The following GRHL2 variants were observed in gnomAD, a reference collection of about 807,000 sequenced individuals.
GRHL2 encodes grainyhead-like protein 2 homolog.
A neutral mutation model predicts 83.8 loss-of-function variants in GRHL2; 21 were observed. The ratio of observed to expected loss-of-function variants is 0.25; its 90% CI spans 0.18 to 0.36. The LOEUF (loss-of-function observed/expected upper bound fraction) is 0.36, where lower values mean the gene tolerates loss of function less well. GRHL2 is among the 10% of genes least tolerant of loss of function. The pLI is 1.00. For synonymous variants in GRHL2, 280 were observed against 278.9 expected, an observed-to-expected ratio of 1.00 and a Z score of -0.04; for missense variants, 623 against 781.8, an observed-to-expected ratio of 0.80 and a Z score of 2.42.
At chr8:101,631,406 G>T (rs1813183663) in intron 9 of GRHL2, among the ~76,000 whole-genome samples, 1 of 152,206 alleles carries the variant, frequency 6.6e-6, no homozygotes, top group Non-Finnish European at 1.5e-5. Flanking sequence ...CAAAAAAGGA[G>T]AGAAAATCTG....
chr8:101,642,847 G>T (rs995686691), intron 12 of GRHL2, among the ~76,000 whole-genome samples: 9 of 152,162 alleles, frequency 5.9e-5, no homozygotes, highest in African/African-American at 1.9e-4. Flanking sequence ...GCATTGCCCT[G>T]CATTTGACAC....
chr8:101,580,602 A>C (rs1476325001), intron 7 of GRHL2, among the ~76,000 whole-genome samples: 1 of 152,156 alleles, frequency 6.6e-6, no homozygotes, highest in Non-Finnish European at 1.5e-5. Context: ...AAGAGGGAAG[A>C]ATTTTACGCA....
At chr8:101,680,086 A>G in the GRHL2 span, among the ~76,000 whole-genome samples, 2 of 119,140 alleles carry the variant, frequency 1.7e-5, no homozygotes, top group African/African-American at 7.1e-5. Flanking sequence ...TATTAACCTT[A>G]AATGTAAATG....
Position 101,663,106 on chromosome 8 carries a change from G to A in GRHL2, c.1699-1348G>A, listed in dbSNP as rs528225314. 2.0e-4 allele frequency among the ~76,000 whole-genome samples: 31 copies of A among 152,192 alleles called. No individual in the cohort carries two copies. The East Asian group carries it at 5.4e-3, about 27-fold the overall frequency. ...AGTGATGCTTTGAAAATCTTTGTGT[G>A]CATCTGAAGGTATTTCTGTAGACCT... is the stretch of plus-strand genomic sequence containing the variant. On this transcript the variant is annotated intron_variant, in intron 14 of 15. Transcript: ENST00000646743.
the GRHL2 span, among the ~76,000 whole-genome samples, chr8:101,679,867 G>A: frequency 1.5e-5 from 2 of 135,128 alleles, no homozygotes; most frequent in Non-Finnish European, 3.1e-5. Context: ...TTACAGACAA[G>A]CAAATGCTGA....
intron 14 of GRHL2, 134 bp from the exon 15 acceptor site, chr8:101,664,320 G>C: frequency 1.5e-6 from 1 of 673,920 alleles, no homozygotes; most frequent in Non-Finnish European, 2.7e-6. Context: ...TGAGTGTTTT[G>C]AGAGTTCGAC....
downstream of GRHL2, among the ~76,000 whole-genome samples, chr8:101,673,485 T>A (rs1271481085): frequency 6.8e-6 from 1 of 147,210 alleles, no homozygotes; most frequent in Admixed American, 6.8e-5. Flanking sequence ...AGGGATCAAT[T>A]CAACAAGAAG....
intron 8 of GRHL2, among the ~76,000 whole-genome samples, chr8:101,617,054 A>G (rs1228115241): frequency 1.3e-5 from 2 of 152,196 alleles, no homozygotes; most frequent in Non-Finnish European, 2.9e-5. Flanking sequence ...TTTTGGTAAA[A>G]GCAGCTAAAA....
intron 5 of GRHL2, among the ~76,000 whole-genome samples, chr8:101,571,116 C>T (rs1180757738): frequency 2.0e-5 from 3 of 151,982 alleles, no homozygotes; most frequent in Non-Finnish European, 4.4e-5. Context: ...AATTGAAAAA[C>T]ATTTGCTAAG....
intron 1 of GRHL2, among the ~76,000 whole-genome samples, chr8:101,526,332 T>C (rs1810801594): frequency 1.3e-5 from 2 of 152,204 alleles, no homozygotes. Context: ...GAACTTATAT[T>C]GTGTGTTATT....
chr8:101,643,583 T>A (rs887090329), intron 12 of GRHL2, among the ~76,000 whole-genome samples: 15 of 152,132 alleles, frequency 9.9e-5, no homozygotes, highest in Non-Finnish European at 1.3e-4. Context: ...TCTGAGTGTG[T>A]AAGGAACTTC....
chr8:101,619,937 T>C (rs1806316707), intron 9 of GRHL2, among the ~76,000 whole-genome samples: 1 of 151,768 alleles, frequency 6.6e-6, no homozygotes, highest in South Asian at 2.1e-4. Context: ...AATGACTGAC[T>C]GTTTCTTAGT....
Position 101,519,185 on chromosome 8 carries a change from AT to A in GRHL2, c.21-24043del, listed in dbSNP as rs573866039. ...CAAAGTTATCACTTTTTCTTCATTG[AT>A]TTTTTTTTTTTTAATTTTAAGAGAT... On this transcript the variant is annotated intron_variant, in intron 1 of 15. Transcript: ENST00000646743. 2.8e-3 allele frequency among the ~76,000 whole-genome samples: 399 copies of A among 142,604 alleles called. 1 individual carries two copies. Among genetic ancestry groups the A allele is most frequent in the South Asian group, 4.3e-3 (19 of 4,464 alleles). The allele number at this position is 142,604 out of a possible 152,430, so 93.6% of individuals were successfully genotyped here. A position where few individuals can be genotyped will look rare whatever the true frequency, so the allele number is the denominator to read the frequency against.
At chr8:101,613,634 C>T (rs1489047279) in intron 8 of GRHL2, among the ~76,000 whole-genome samples, 2 of 151,010 alleles carry the variant, frequency 1.3e-5, no homozygotes, top group Middle Eastern at 3.2e-3. Flanking sequence ...ACAATCCTAT[C>T]AAAGTGGAAG....
At chr8:101,664,314 T>C (rs1813995177) in intron 14 of GRHL2, 140 bp from the exon 15 acceptor site, 2 of 669,138 alleles carry the variant, frequency 3.0e-6, no homozygotes, top group African/African-American at 1.9e-5. Flanking sequence ...CATAAATGAG[T>C]GTTTTGAGAG....
At chr8:101,627,921 A>T (rs1813111558) in intron 9 of GRHL2, among the ~76,000 whole-genome samples, 1 of 152,114 alleles carries the variant, frequency 6.6e-6, no homozygotes, top group Admixed American at 6.6e-5. Flanking sequence ...AGGCTGAGAG[A>T]GATGAGGAAG....
intron 1 of GRHL2, among the ~76,000 whole-genome samples, chr8:101,542,546 T>G (rs1811175015): frequency 7.5e-6 from 1 of 133,446 alleles, no homozygotes; most frequent in Admixed American, 7.8e-5. Flanking sequence ...AGAGTGAAAC[T>G]CCGTCTCAGA....
At chr8:101,521,980 G>A (rs1381035500) in intron 1 of GRHL2, among the ~76,000 whole-genome samples, 2 of 152,178 alleles carry the variant, frequency 1.3e-5, no homozygotes, top group East Asian at 3.8e-4. Flanking sequence ...AATGAACTGA[G>A]TGGGAAATTT....
chr8:101,651,244 A>G (rs542774186), intron 14 of GRHL2, among the ~76,000 whole-genome samples: 16 of 152,338 alleles, frequency 1.1e-4, no homozygotes, highest in Admixed American at 7.2e-4. Flanking sequence ...CTTTAAGACT[A>G]TATTACCAAA....
Sources: gnomAD v4.1 joint callset for allele counts (sites outside exome capture counted in the v4.1 genomes callset) on GRCh38, gnomAD v4.1.1 for gene constraint, MANE v1.5 for transcripts, NCBI Gene and HGNC (gene_info 2026-07-23, HGNC 2026-07-21) for gene names.